Variants in CACNA2D1 observed in about 807,000 individuals in gnomAD.
CACNA2D1 encodes the protein calcium voltage-gated channel auxiliary subunit alpha2delta 1, also known as voltage-dependent calcium channel subunit alpha-2/delta-1.
In CACNA2D1, 53 loss-of-function variants were observed where a neutral mutation model predicts 171.5. The ratio of observed to expected loss-of-function variants is 0.31; its 90% CI spans 0.25 to 0.39. The LOEUF is 0.39. CACNA2D1 is among the 10% of genes least tolerant of loss of function. The pLI, the probability that CACNA2D1 is intolerant of heterozygous loss-of-function variation, is 1.00. For synonymous variants in CACNA2D1, 442 were observed against 443.1 expected (o/e 1.00, Z 0.03); for missense variants, 903 against 1,299.8 (o/e 0.69, Z 4.69).
chr7:82,186,255 AAAGGAAGG>A (rs202046885), intron 3 of CACNA2D1, among the ~76,000 whole-genome samples: 6,155 of 111,404 alleles, frequency 0.055, 209 homozygotes, highest in Non-Finnish European at 0.074. Flanking sequence ...AGGAAGGAAG[AAAGGAAGG>A]AAGGAAGGAA....
chr7:82,399,826 C>A (rs1431218396), intron 1 of CACNA2D1, among the ~76,000 whole-genome samples: 1 of 151,876 alleles, frequency 6.6e-6, no homozygotes, highest in Non-Finnish European at 1.5e-5. Context: ...CCTACCTTCA[C>A]TACATTAAAG....
At chr7:82,242,285 AAT>A in intron 3 of CACNA2D1, among the ~76,000 whole-genome samples, 1 of 152,118 alleles carries the variant, frequency 6.6e-6, no homozygotes, top group Non-Finnish European at 1.5e-5. Flanking sequence ...TTTTTAATAC[AAT>A]ATATTTTAAT....
intron 3 of CACNA2D1, among the ~76,000 whole-genome samples, chr7:82,189,403 T>C (rs1335073648): frequency 6.6e-6 from 1 of 151,964 alleles, no homozygotes; most frequent in African/African-American, 2.4e-5. Context: ...AGTTTCTCTA[T>C]CTAAGATTCA....
At chr7:81,986,024 A>T (rs897430390) in intron 21 of CACNA2D1, among the ~76,000 whole-genome samples, 1 of 152,226 alleles carries the variant, frequency 6.6e-6, no homozygotes, top group African/African-American at 2.4e-5. Flanking sequence ...GGATTTCAGA[A>T]TTTTATGCAC....
intron 3 of CACNA2D1, among the ~76,000 whole-genome samples, chr7:82,317,043 CA>C (rs1372032179): frequency 6.6e-6 from 1 of 152,122 alleles, no homozygotes; most frequent in Non-Finnish European, 1.5e-5. Flanking sequence ...CAAATGTCAT[CA>C]AAGCCATGTT....
chr7:82,271,837 A>G (rs1333000384), intron 3 of CACNA2D1, among the ~76,000 whole-genome samples: 1 of 152,098 alleles, frequency 6.6e-6, no homozygotes, highest in Non-Finnish European at 1.5e-5. Context: ...AAAATAAATA[A>G]TATTTATAAT....
chr7:82,407,883 C>T (rs1186588291), intron 1 of CACNA2D1, among the ~76,000 whole-genome samples: 1 of 152,092 alleles, frequency 6.6e-6, no homozygotes, highest in Non-Finnish European at 1.5e-5. Context: ...ATAGATATAG[C>T]CCATCTATCC....
intron 3 of CACNA2D1, among the ~76,000 whole-genome samples, chr7:82,284,412 C>A (rs1369399371): frequency 6.6e-6 from 1 of 152,010 alleles, no homozygotes; most frequent in African/African-American, 2.4e-5. Context: ...TACTATTTTC[C>A]CTCTTGTTGT....
chr7:82,375,788 T>C (rs1011845256), intron 1 of CACNA2D1, among the ~76,000 whole-genome samples: 2 of 152,204 alleles, frequency 1.3e-5, no homozygotes, highest in African/African-American at 4.8e-5. Flanking sequence ...TTGATTTCAT[T>C]GTAGACTGTC....
rs114149590 is a variant in CACNA2D1, at chr7:82,346,380, G to A, written c.177+3188C>T. On this transcript the variant is annotated intron_variant, in intron 2 of 38. Coordinates refer to ENST00000356860, the MANE Select transcript of CACNA2D1 (RefSeq NM_000722.4). Reference sequence around the variant, plus strand: ...ATAAATATTTTATACAGATTGTATCGTTAATCCCAACAACTCCATGAGATT... The same window carrying A: ...ATAAATATTTTATACAGATTGTATCATTAATCCCAACAACTCCATGAGATT... Among the ~76,000 whole-genome samples, 1,172 of 152,192 alleles carry A rather than the reference G, an allele frequency of 7.7e-3. 19 individuals are homozygous for A. The highest frequency in any genetic ancestry group is 0.026 in the African/African-American group (1,064 of 41,518).
intron 3 of CACNA2D1, among the ~76,000 whole-genome samples, chr7:82,289,226 C>T (rs957863594): frequency 3.9e-5 from 6 of 152,098 alleles, no homozygotes; most frequent in African/African-American, 1.4e-4. Context: ...TAAATATACC[C>T]CCCAGCATGA....
chr7:82,336,654 T>C (rs1818037625), intron 2 of CACNA2D1, among the ~76,000 whole-genome samples: 1 of 152,188 alleles, frequency 6.6e-6, no homozygotes, highest in African/African-American at 2.4e-5. Flanking sequence ...TTCTGTTTTT[T>C]AAAGACCCAT....
At chr7:82,261,305 T>C (rs1342511520) in intron 3 of CACNA2D1, among the ~76,000 whole-genome samples, 1 of 152,196 alleles carries the variant, frequency 6.6e-6, no homozygotes, top group East Asian at 1.9e-4. Flanking sequence ...TAGAAGACAC[T>C]TTGGCAAACC....
At chr7:82,340,361 G>C (rs1818478140) in intron 2 of CACNA2D1, among the ~76,000 whole-genome samples, 1 of 149,320 alleles carries the variant, frequency 6.7e-6, no homozygotes, top group Admixed American at 6.6e-5. Flanking sequence ...TTTTTTAATA[G>C]GATCTCACTA....
chr7:82,357,906 A>C (rs2129446842), intron 1 of CACNA2D1, among the ~76,000 whole-genome samples: 1 of 151,706 alleles, frequency 6.6e-6, no homozygotes, highest in East Asian at 1.9e-4. Flanking sequence ...GATTTATAGG[A>C]GGGATAGTGG....
chr7:82,207,267 C>T (rs1277811642), intron 3 of CACNA2D1, among the ~76,000 whole-genome samples: 1 of 152,174 alleles, frequency 6.6e-6, no homozygotes, highest in Non-Finnish European at 1.5e-5. Flanking sequence ...AGGCTGAATT[C>T]AGTAAACATG....
intron 1 of CACNA2D1, among the ~76,000 whole-genome samples, chr7:82,365,706 A>G (rs1270007799): frequency 2.0e-5 from 3 of 152,250 alleles, no homozygotes; most frequent in Non-Finnish European, 4.4e-5. Flanking sequence ...TGAAAGACAC[A>G]TTAATTATTT....
chr7:82,140,953 C>CT lies in CACNA2D1; in HGVS notation c.355-4278dup, dbSNP rs200837574. The stretch of plus-strand genomic sequence containing the variant: ...CTAGGCGACAGAGCAAGACTCGTCT[C>CT]TAAAAAAAAAAAAAAAGAAAAAAAA... On this transcript the variant is annotated intron_variant, in intron 4 of 38. Coordinates refer to ENST00000356860, the MANE Select transcript of CACNA2D1 (RefSeq NM_000722.4). Among the ~76,000 whole-genome samples, 41 of 52,954 alleles carry CT rather than the reference C, an allele frequency of 7.7e-4. 1 individual carries two copies. The highest frequency in any genetic ancestry group is 0.03 in the Middle Eastern group (2 of 66). 34.7% of individuals were successfully genotyped at this position (52,954 alleles called of 152,430 possible).
At chr7:82,004,772 G>A (rs971358313) in intron 18 of CACNA2D1, among the ~76,000 whole-genome samples, 2 of 152,162 alleles carry the variant, frequency 1.3e-5, no homozygotes, top group Non-Finnish European at 2.9e-5. Flanking sequence ...AACAGTTCAT[G>A]AAGAGTGAAA....
Sources: allele counts gnomAD v4.1 joint callset (sites outside exome capture counted in the v4.1 genomes callset), GRCh38; gene constraint gnomAD v4.1.1; transcripts MANE v1.5; gene names NCBI Gene and HGNC (gene_info 2026-07-23, HGNC 2026-07-21).